Variants in ZBTB6 observed in about 807,000 individuals in gnomAD.
ZBTB6 encodes the protein zinc finger and BTB domain-containing protein 6.
In ZBTB6, 11 loss-of-function variants were observed where a neutral mutation model predicts 30.6. That is an observed-to-expected ratio of 0.36 (90% CI 0.23 to 0.60). The LOEUF is 0.60. Among genes scored for constraint, ZBTB6 ranks in the 20% least tolerant of loss-of-function variants. ZBTB6 has a pLI of 0.75. For missense variants in ZBTB6, 380 were observed against 489.4 expected (o/e 0.78, Z 2.11); for synonymous variants, 174 against 172.0 (o/e 1.01, Z -0.09).
At chr9:122,912,837 G>A (rs1431803346) in intron 1 of ZBTB6, among the ~76,000 whole-genome samples, 2 of 152,074 alleles carry the variant, frequency 1.3e-5, no homozygotes, top group Non-Finnish European at 2.9e-5. Flanking sequence ...AAAAAGACAC[G>A]AATACACATT....
chr9:122,910,642 G>T lies in ZBTB6; in HGVS notation c.*156C>A. The T allele has an allele frequency of 1.4e-6, 1 of 740,282 alleles. No individual in the cohort carries two copies. 45.9% of individuals were successfully genotyped at this position (740,282 alleles called of 1,614,324 possible). On this transcript the variant is annotated 3_prime_UTR_variant, in exon 2 of 2. Transcript: ENST00000373659. ...CTTTACTGTGCCTCCCATAACTTTG[G>T]AACTGTTAGAAGTTCAGAAAGAATG...
In ZBTB6 at chr9:122,911,935, C is replaced by T. The variant is rs1832958082; in HGVS notation, c.138G>A (p.Gly46=). 27 of 1,614,170 alleles carry T rather than the reference C, an allele frequency of 1.7e-5. No homozygotes were observed. The East Asian group carries it at 5.1e-4, about 31-fold the overall frequency. The change falls in exon 2 of 2, where the codon GGG becomes GGA. Residue 46 remains glycine, a synonymous_variant. Transcript: ENST00000373659. The surrounding 1 kb of genome is among the most constrained non-coding windows in gnomAD (Gnocchi z 4.5). The part of the protein sequence containing the change: ...SIYINDTEFQ[G]HKVILAACST... ...AGCAAGCAGCCAAAATCACCTTGTG[C>T]CCCTGGAACTCAGTGTCATTAATGT...
In ZBTB6 at chr9:122,911,359, A is replaced by C. The variant is rs778089203; in HGVS notation, c.714T>G (p.Pro238=). The C allele has an allele frequency of 6.2e-7, 1 of 1,614,160 alleles. No individual in the cohort carries two copies. The highest frequency in any genetic ancestry group is 2.2e-5 in the East Asian group (1 of 44,884). ...AGVENGQFSQ[P]CTSSKASMYF... The stretch of plus-strand genomic sequence containing the variant: ...ACATGCTTGCTTTTGAAGAGGTACA[A>C]GGCTGTGAAAACTGCCCATTTTCGA... The change falls in exon 2 of 2, where the codon CCT becomes CCG. Residue 238 remains proline (P), a synonymous_variant. Coordinates refer to ENST00000373659, the MANE Select transcript of ZBTB6 (RefSeq NM_006626.6). This position sits in a 1 kb window ranked among gnomAD's most constrained non-coding sequence, Gnocchi z 4.5.
rs774602480 is a variant in ZBTB6 at position 122,911,250 on chromosome 9, A to G, written c.823T>C (p.Leu275=). Reference sequence around the variant, plus strand: ...CTTCCTTCAGTATTCTCACAAAATAAGCCCTGATCTTGATTCCCAGGAACT... The same window carrying G: ...CTTCCTTCAGTATTCTCACAAAATAGGCCCTGATCTTGATTCCCAGGAACT... ...AEVPGNQDQG[L]FCENTEGSYG... is the part of the protein sequence containing the mutation. Residue 275 remains leucine (L), a synonymous_variant, in exon 2 of 2, where the codon TTA becomes CTA. Coordinates refer to ENST00000373659, the MANE Select transcript of ZBTB6 (RefSeq NM_006626.6). This position sits in a 1 kb window ranked among gnomAD's most constrained non-coding sequence, Gnocchi z 4.5. 6.2e-7 allele frequency: 1 copy of G among 1,614,218 alleles called. No individual in the cohort carries two copies. The highest frequency in any genetic ancestry group is 2.2e-5 in the East Asian group (1 of 44,894).
In ZBTB6 at chr9:122,910,772, T is replaced by G. The variant is rs1147321; in HGVS notation, c.*26A>C. 0.81 allele frequency: 1,265,405 copies of G among 1,563,710 alleles called. 525,139 individuals carry two copies. Among genetic ancestry groups the G allele is most frequent in the Non-Finnish European group, 0.86 (984,449 of 1,148,566 alleles). ...ACTTGCGTAATAGAATAATACAAAC[T>G]TTATATAACAAGTCTGTGATTATAA... On this transcript the variant is annotated 3_prime_UTR_variant, in exon 2 of 2. Coordinates refer to ENST00000373659, the MANE Select transcript of ZBTB6 (RefSeq NM_006626.6).
Position 122,911,884 on chromosome 9 carries a change from T to C in ZBTB6, c.189A>G (p.Leu63=), listed in dbSNP as rs879171413. 6.2e-7 allele frequency: 1 copy of C among 1,614,172 alleles called. No individual in the cohort carries two copies. ...ACSTFMRDQF[L]LTQSKHVRIT... ...TTCTGACATGTTTTGACTGTGTGAG[T>C]AAAAACTGATCTCTCATAAAAGTGG... Residue 63 remains leucine (L), a synonymous_variant, in exon 2 of 2, where the codon TTA becomes TTG. Coordinates refer to ENST00000373659, the MANE Select transcript of ZBTB6 (RefSeq NM_006626.6). This position sits in a 1 kb window ranked among gnomAD's most constrained non-coding sequence, Gnocchi z 4.5.
intron 1 of ZBTB6, among the ~76,000 whole-genome samples, 189 bp downstream of exon 1, chr9:122,913,062 A>G (rs568758722): frequency 6.6e-6 from 1 of 152,308 alleles, no homozygotes; most frequent in South Asian, 2.1e-4. Flanking sequence ...CATCTGCTGA[A>G]CTGAAACCGG....
chr9:122,910,749 T>C lies in ZBTB6; in HGVS notation c.*49A>G. The stretch of plus-strand genomic sequence containing the variant: ...AAATGCTGCATCTCTACAGAAAGAC[T>C]TGCGTAATAGAATAATACAAACTTT... On this transcript the variant is annotated 3_prime_UTR_variant, in exon 2 of 2. Coordinates refer to ENST00000373659, the MANE Select transcript of ZBTB6 (RefSeq NM_006626.6). The C allele has an allele frequency of 6.7e-7, 1 of 1,486,222 alleles. No individual in the cohort carries two copies. Among genetic ancestry groups the C allele is most frequent in the Non-Finnish European group, 9.1e-7 (1 of 1,099,688 alleles). 92.1% of individuals were successfully genotyped at this position (1,486,222 alleles called of 1,614,324 possible). A position where few individuals can be genotyped will look rare whatever the true frequency, so the allele number is the denominator to read the frequency against.
In ZBTB6 at chr9:122,911,213, A is replaced by C; in HGVS notation, c.860T>G (p.Val287Gly). 3.1e-6 allele frequency: 5 copies of C among 1,614,134 alleles called. No homozygotes were observed. In the East Asian group the frequency reaches 1.1e-4, roughly 36 times the overall value. Residue 287 changes from valine (V) to glycine (G), a missense_variant, in exon 2 of 2, where the codon GTG becomes GGG. Coordinates refer to ENST00000373659, the MANE Select transcript of ZBTB6 (RefSeq NM_006626.6). The surrounding 1 kb of genome is among the most constrained non-coding windows in gnomAD (Gnocchi z 4.5). ...CENTEGSYGT[V>G]SEIQNLEEGY... Reference sequence around the variant, plus strand: ...TTCCTCCAGATTCTGAATCTCACTCACTGTACCATAACTTCCTTCAGTATT... The same window carrying C: ...TTCCTCCAGATTCTGAATCTCACTCCCTGTACCATAACTTCCTTCAGTATT...
intron 1 of ZBTB6, 48 bp downstream of exon 1, chr9:122,913,203 C>T: frequency 1.0e-6 from 1 of 965,942 alleles, no homozygotes; most frequent in South Asian, 4.8e-5. Flanking sequence ...TCCTCCTCCT[C>T]TTCCTCAGGC....
In ZBTB6 at chr9:122,909,300, G is replaced by A. The variant is rs1015132115; in HGVS notation, c.*1498C>T. The A allele has an allele frequency of 6.6e-6, 1 of 152,088 alleles. No homozygotes were observed. The highest frequency in any genetic ancestry group is 1.5e-5 in the Non-Finnish European group (1 of 67,998). The allele number at this position is 152,088 out of a possible 1,614,324, so 9.4% of individuals were successfully genotyped here. Reference sequence around the variant, plus strand: ...ACATAAAGCTAAGTTAACTAGAGGAGGACTAGAACAGCTTCAAAGAAAGAT... The same window carrying A: ...ACATAAAGCTAAGTTAACTAGAGGAAGACTAGAACAGCTTCAAAGAAAGAT... On this transcript the variant is annotated 3_prime_UTR_variant, in exon 2 of 2. Coordinates refer to ENST00000373659, the MANE Select transcript of ZBTB6 (RefSeq NM_006626.6).
Position 122,909,039 on chromosome 9 carries a change from A to C in ZBTB6, c.*1759T>G, listed in dbSNP as rs974496708. ...TTCAGCACAATGTCGCTAACTAGTA[A>C]CATTGGGTTATGAAGTCGGTTTTTT... On this transcript the variant is annotated 3_prime_UTR_variant, in exon 2 of 2. Coordinates refer to ENST00000373659, the MANE Select transcript of ZBTB6 (RefSeq NM_006626.6). The C allele has an allele frequency of 1.3e-5, 2 of 152,236 alleles. No homozygotes were observed. The highest frequency in any genetic ancestry group is 4.1e-4 in the South Asian group (2 of 4,838). The allele number at this position is 152,236 out of a possible 1,614,324, so 9.4% of individuals were successfully genotyped here.
In ZBTB6 at chr9:122,909,278, T is replaced by C. The variant is rs1832931502; in HGVS notation, c.*1520A>G. ...AATTAAATACAGTAGAAATTCTACA[T>C]AAAGCTAAGTTAACTAGAGGAGGAC... On this transcript the variant is annotated 3_prime_UTR_variant, in exon 2 of 2. Coordinates refer to ENST00000373659, the MANE Select transcript of ZBTB6 (RefSeq NM_006626.6). 1.3e-5 allele frequency: 2 copies of C among 152,186 alleles called. No individual in the cohort carries two copies. The highest frequency in any genetic ancestry group is 4.8e-5 in the African/African-American group (2 of 41,462). 9.4% of individuals were successfully genotyped at this position (152,186 alleles called of 1,614,324 possible).
intron 1 of ZBTB6, among the ~76,000 whole-genome samples, chr9:122,912,752 G>A (rs919441091): frequency 3.3e-5 from 5 of 152,052 alleles, no homozygotes; most frequent in Non-Finnish European, 5.9e-5. Context: ...CCATCTTTAT[G>A]GCTTTATCAC....
chr9:122,912,957 C>T (rs1315754258), intron 1 of ZBTB6, among the ~76,000 whole-genome samples: 2 of 152,230 alleles, frequency 1.3e-5, no homozygotes, highest in Non-Finnish European at 2.9e-5. Flanking sequence ...CAGAGAGAGT[C>T]AGCTGCTCTC....
chr9:122,910,260 T>C lies in ZBTB6; in HGVS notation c.*538A>G, dbSNP rs1346499530. Reference sequence around the variant, plus strand: ...TCTGCTATTCCCAAGTGAATCTGAATTGTTACTTTATACATTTTAAAATGA... The same window carrying C: ...TCTGCTATTCCCAAGTGAATCTGAACTGTTACTTTATACATTTTAAAATGA... On this transcript the variant is annotated 3_prime_UTR_variant, in exon 2 of 2. Coordinates refer to ENST00000373659, the MANE Select transcript of ZBTB6 (RefSeq NM_006626.6). 5 of 152,534 alleles carry C rather than the reference T, an allele frequency of 3.3e-5. No homozygotes were observed. In the East Asian group the frequency reaches 9.6e-4, roughly 29 times the overall value. 9.4% of individuals were successfully genotyped at this position (152,534 alleles called of 1,614,324 possible).
rs1002385562 is a variant in ZBTB6 at position 122,910,118 on chromosome 9, G to A, written c.*680C>T. ...TACTGGCCACAAAATTATTAAATCC[G>A]ATTGTATTAAATAAAATCAAGAAAC... On this transcript the variant is annotated 3_prime_UTR_variant, in exon 2 of 2. Coordinates refer to ENST00000373659, the MANE Select transcript of ZBTB6 (RefSeq NM_006626.6). The A allele has an allele frequency of 1.3e-5, 2 of 152,034 alleles. No individual in the cohort carries two copies. Among genetic ancestry groups the A allele is most frequent in the Non-Finnish European group, 2.9e-5 (2 of 68,012 alleles). The allele number at this position is 152,034 out of a possible 1,614,324, so 9.4% of individuals were successfully genotyped here. A position where few individuals can be genotyped will look rare whatever the true frequency, so the allele number is the denominator to read the frequency against.
At position 122,911,420 on chromosome 9, in the gene ZBTB6, C is replaced by A. The variant is rs760622729; in HGVS notation, c.653G>T (p.Cys218Phe). The A allele has an allele frequency of 3.7e-6, 6 of 1,614,042 alleles. No individual in the cohort carries two copies. The South Asian group carries it at 6.6e-5, about 18-fold the overall frequency. Reference protein sequence around the residue: ...VDIGFKDNEICILHVESISTA... With the variant: ...VDIGFKDNEIFILHVESISTA... ...ACTGATGGATTCTACATGAAGGATA[C>A]AAATTTCATTGTCTTTAAAACCTAT... The change falls in exon 2 of 2, where the codon TGT becomes TTT. Residue 218 changes from cysteine (C) to phenylalanine (F), a missense_variant. Physicochemically the swap from Cys to Phe is radical, Grantham distance 205. Transcript: ENST00000373659. This position sits in a 1 kb window ranked among gnomAD's most constrained non-coding sequence, Gnocchi z 4.5.
In ZBTB6 at chr9:122,911,540, A is replaced by T; in HGVS notation, c.533T>A (p.Val178Asp). 1 of 1,613,992 alleles carries T rather than the reference A, an allele frequency of 6.2e-7. No individual in the cohort carries two copies. Among genetic ancestry groups the T allele is most frequent in the Non-Finnish European group, 8.5e-7 (1 of 1,180,014 alleles). Reference protein sequence around the residue: ...EDSPVNIDFHVKEEESNALQS... With the variant: ...EDSPVNIDFHDKEEESNALQS... The stretch of plus-strand genomic sequence containing the variant: ...CAAAGCATTGCTTTCCTCTTCTTTA[A>T]CATGGAAATCTATGTTTACAGGACT... The change falls in exon 2 of 2, where the codon GTT becomes GAT. Residue 178 changes from valine to aspartate, a missense_variant. Physicochemically the swap from Val to Asp is radical, Grantham distance 152. Transcript: ENST00000373659. The surrounding 1 kb of genome is among the most constrained non-coding windows in gnomAD (Gnocchi z 4.5).
Sources: allele counts gnomAD v4.1 joint callset (sites outside exome capture counted in the v4.1 genomes callset), GRCh38; gene constraint gnomAD v4.1.1; non-coding constraint Gnocchi (gnomAD v3.1); transcripts MANE v1.5; gene names NCBI Gene and HGNC (gene_info 2026-07-23, HGNC 2026-07-21).